The following MED12L variants were observed in gnomAD, a reference collection of about 807,000 sequenced individuals.
The protein encoded by MED12L is mediator of RNA polymerase II transcription subunit 12-like protein.
In MED12L, 60 loss-of-function variants were observed where a neutral mutation model predicts 281.3. That is an observed-to-expected ratio of 0.21 (90% confidence interval 0.17 to 0.26). MED12L has a LOEUF of 0.26. Ranked by LOEUF, MED12L falls within the 10% of genes least tolerant of loss-of-function variation. The pLI is 1.00. For synonymous variants in MED12L, 974 were observed against 987.2 expected (o/e 0.99, Z 0.25); for missense variants, 2,146 against 2,680.9 (o/e 0.80, Z 4.41).
rs962926834 is a variant in MED12L at position 151,190,594 on chromosome 3, A to C, written c.1754-123A>C. On this transcript the variant is annotated intron_variant, in intron 13 of 44. Coordinates refer to ENST00000687756, the MANE Select transcript of MED12L (RefSeq NM_001393769.1). ...ATGCTAGTGCCTCAGTAAATCTTCC[A>C]ATAGATCTTTTTTTTCCCCAGAAAA... 9.0e-6 allele frequency: 8 copies of C among 888,114 alleles called. No individual in the cohort carries two copies. In the Admixed American group the frequency reaches 9.9e-5, roughly 11 times the overall value. The allele number at this position is 888,114 out of a possible 1,614,324, so 55.0% of individuals were successfully genotyped here. A position where few individuals can be genotyped will look rare whatever the true frequency, so the allele number is the denominator to read the frequency against.
At position 151,416,418 on chromosome 3, in the gene MED12L, C is replaced by A. The variant is rs1173294327; in HGVS notation, c.6404C>A (p.Pro2135His). Residue 2135 changes from proline to histidine, a missense_variant, in exon 43 of 45, where the codon CCC becomes CAC. Around this residue, in one of 9 missense-constraint regions of MED12L, gnomAD observed 496 missense variants for 512.0 expected, o/e 0.97. Transcript: ENST00000687756. ...LGLQAMQPQQ[P>H]LFPRQGLQQT... ...CTCCAAGCAATGCAGCCCCAGCAGC[C>A]CTTGGTAAGGCCTGTTGTTTTGGAA... 5 of 1,613,936 alleles carry A rather than the reference C, an allele frequency of 3.1e-6. No individual in the cohort carries two copies. In the African/African-American group the frequency reaches 5.3e-5, roughly 17 times the overall value.
chr3:151,400,157 G>A (rs550738648), intron 39 of MED12L, among the ~76,000 whole-genome samples: 7 of 152,028 alleles, frequency 4.6e-5, no homozygotes, highest in Non-Finnish European at 8.8e-5. Context: ...TCACAATATC[G>A]ACATCTAGGG....
chr3:151,229,171 C>T (rs1731111550), intron 16 of MED12L, among the ~76,000 whole-genome samples: 1 of 152,150 alleles, frequency 6.6e-6, no homozygotes, highest in Non-Finnish European at 1.5e-5. Flanking sequence ...AAATACTGTA[C>T]AGAAGTGATT....
At chr3:151,329,057 A>G in intron 16 of MED12L, 2 of 1,358,262 alleles carry the variant, frequency 1.5e-6, no homozygotes, top group Non-Finnish European at 2.0e-6. Flanking sequence ...AAAGCCCTTC[A>G]TGATTTTCAA....
chr3:151,233,791 C>G (rs888718383), intron 16 of MED12L, among the ~76,000 whole-genome samples: 11 of 152,202 alleles, frequency 7.2e-5, no homozygotes, highest in African/African-American at 2.7e-4. Flanking sequence ...CACAGGCATT[C>G]TTGGATCGTT....
chr3:151,294,107 A>C, intron 16 of MED12L: 1 of 1,009,756 alleles, frequency 9.9e-7, no homozygotes, highest in Non-Finnish European at 1.5e-6. Context: ...TCAAGCAAGG[A>C]TAATGAAAAG....
chr3:151,314,474 C>T (rs968801254), intron 16 of MED12L, among the ~76,000 whole-genome samples: 4 of 152,146 alleles, frequency 2.6e-5, no homozygotes, highest in Non-Finnish European at 5.9e-5. Flanking sequence ...CTCTTGCCTC[C>T]CTGCTTTAGA....
chr3:151,374,497 G>A (rs943193236), intron 27 of MED12L, among the ~76,000 whole-genome samples: 17 of 152,130 alleles, frequency 1.1e-4, no homozygotes, highest in African/African-American at 2.7e-4. Flanking sequence ...GCAGTGAGCC[G>A]AGATTGCGCC....
intron 16 of MED12L, among the ~76,000 whole-genome samples, chr3:151,205,539 A>AT (rs1389316723): frequency 6.6e-6 from 1 of 152,170 alleles, no homozygotes; most frequent in Non-Finnish European, 1.5e-5. Flanking sequence ...TCGGCATAGC[A>AT]TGGAAGCCAT....
intron 16 of MED12L, among the ~76,000 whole-genome samples, chr3:151,258,653 C>T (rs1221838286): frequency 1.3e-5 from 2 of 151,874 alleles, no homozygotes; most frequent in African/African-American, 4.8e-5. Context: ...TTTAAGAGTC[C>T]AGCCTGATCA....
Position 151,303,468 on chromosome 3 carries a change from AAACTGC to A in MED12L, c.2251-46589_2251-46584del, listed in dbSNP as rs1560004673. ...GGAATGAATGAGATTGTTCAAGATG[AAACTGC>A]ACAGTCGGCCATGCATGGTGGCTCA... On this transcript the variant is annotated intron_variant, in intron 16 of 44. Transcript: ENST00000687756. Among the ~76,000 whole-genome samples the A allele has an allele frequency of 5.3e-5, 8 of 152,284 alleles. No individual in the cohort carries two copies. The South Asian group carries it at 1.7e-3, about 32-fold the overall frequency.
chr3:151,188,578 T>TTGG, intron 13 of MED12L, 98 bp downstream of exon 13: 1 of 1,252,386 alleles, frequency 8.0e-7, no homozygotes, highest in Non-Finnish European at 1.1e-6. Context: ...TTTAATATTC[T>TTGG]TGGCACTGAA....
chr3:151,400,078 C>T (rs1211690900), intron 39 of MED12L, among the ~76,000 whole-genome samples: 3 of 152,100 alleles, frequency 2.0e-5, no homozygotes, highest in Admixed American at 6.5e-5. Flanking sequence ...CCACCTGTCT[C>T]GACCTCCTAT....
Position 151,367,526 on chromosome 3 carries a change from T to G in MED12L, c.3328-120T>G, listed in dbSNP as rs916029892. On this transcript the variant is annotated intron_variant, in intron 23 of 44. Coordinates refer to ENST00000687756, the MANE Select transcript of MED12L (RefSeq NM_001393769.1). Reference sequence around the variant, plus strand: ...ATCATGATATGTTATCATTTCCCTCTGCTGGTTCATGTTGGGATTTGAGAT... The same window carrying G: ...ATCATGATATGTTATCATTTCCCTCGGCTGGTTCATGTTGGGATTTGAGAT... The G allele has an allele frequency of 6.1e-6, 5 of 826,124 alleles. No individual in the cohort carries two copies. The African/African-American group carries it at 8.7e-5, about 14-fold the overall frequency. The allele number at this position is 826,124 out of a possible 1,614,324, so 51.2% of individuals were successfully genotyped here.
chr3:151,248,272 C>G (rs1344931675), intron 16 of MED12L, among the ~76,000 whole-genome samples: 1 of 152,080 alleles, frequency 6.6e-6, no homozygotes, highest in Admixed American at 6.6e-5. Flanking sequence ...ATTCCTATTT[C>G]TTTCCTTTGA....
At chr3:151,255,209 A>G (rs1025954523) in intron 16 of MED12L, among the ~76,000 whole-genome samples, 1 of 152,194 alleles carries the variant, frequency 6.6e-6, no homozygotes, top group African/African-American at 2.4e-5. Context: ...GGATAGAACT[A>G]TCAGCCATAT....
intron 16 of MED12L, among the ~76,000 whole-genome samples, chr3:151,293,768 T>C (rs940802643): frequency 2.6e-5 from 4 of 152,108 alleles, no homozygotes; most frequent in African/African-American, 9.7e-5. Flanking sequence ...CTGCCAAAGA[T>C]CTTAGTTTAT....
At chr3:151,357,511 C>A in intron 20 of MED12L, 135 bp downstream of exon 20, 1 of 728,276 alleles carries the variant, frequency 1.4e-6, no homozygotes, top group South Asian at 2.7e-5. Flanking sequence ...AACACTCTTG[C>A]CAGAAAACAT....
intron 16 of MED12L, among the ~76,000 whole-genome samples, chr3:151,270,503 G>C (rs1223599257): frequency 6.6e-6 from 1 of 152,084 alleles, no homozygotes; most frequent in African/African-American, 2.4e-5. Context: ...CTGTGTATTA[G>C]TGCACAGAAT....
Sources: gnomAD v4.1 joint callset for allele counts (sites outside exome capture counted in the v4.1 genomes callset) on GRCh38, gnomAD v4.1.1 for gene constraint, gnomAD v4.1.1 regional missense constraint, MANE v1.5 for transcripts, NCBI Gene and HGNC (gene_info 2026-07-23, HGNC 2026-07-21) for gene names.